The following APOL1 variants were observed in gnomAD, a reference collection of about 807,000 sequenced individuals.
The protein encoded by APOL1 is apolipoprotein L 1.
In APOL1, 17 loss-of-function variants were observed where a neutral mutation model predicts 14.9. The observed-to-expected ratio is 1.14, with a 90% CI of 0.78 to 1.71. APOL1 has a LOEUF of 1.71. Ranked by LOEUF, APOL1 falls within the 40% of genes most tolerant of loss-of-function variation. The probability of loss-of-function intolerance (pLI) is 0.00; values close to 1 mark genes in which losing one functional copy is unlikely to be tolerated. For synonymous variants in APOL1, 195 were observed against 184.8 expected (o/e 1.05, Z -0.45); for missense variants, 523 against 485.9 (o/e 1.08, Z -0.72).
intron 4 of APOL1, among the ~76,000 whole-genome samples, chr22:36,257,957 C>A (rs1210750505): frequency 6.6e-6 from 1 of 152,210 alleles, no homozygotes; most frequent in African/African-American, 2.4e-5. Context: ...CACATCCCCT[C>A]TGTGTGACCT....
Position 36,261,640 on chromosome 22 carries a change from A to C in APOL1, c.232A>C (p.Lys78Gln), listed in dbSNP as rs1603482148. The change falls in exon 5 of 6, where the codon AAA becomes CAA. Residue 78 changes from lysine (K) to glutamine (Q), a missense_variant. Transcript: ENST00000397278. ...IEDAIKYFKE[K>Q]VSTQNLLLLL... ...GGATGCCATTAAGTATTTCAAGGAA[A>C]AAGTGAGCACACAGAATCTGCTACT... 6.2e-7 allele frequency: 1 copy of C among 1,614,088 alleles called. No homozygotes were observed. The highest frequency in any genetic ancestry group is 2.2e-5 in the East Asian group (1 of 44,892).
At chr22:36,260,013 T>G (rs777296555) in intron 4 of APOL1, 3 of 1,070,266 alleles carry the variant, frequency 2.8e-6, no homozygotes, top group Non-Finnish European at 3.6e-6. Context: ...AAAGAAACAT[T>G]GGCCTTGGAG....
chr22:36,253,447 G>C (rs1311348977), intron 1 of APOL1, among the ~76,000 whole-genome samples: 1 of 152,178 alleles, frequency 6.6e-6, no homozygotes, highest in Non-Finnish European at 1.5e-5. Context: ...CTCAGCCCTG[G>C]TTTTGACTGC....
chr22:36,261,504 C>A (rs2016069808), intron 4 of APOL1, 92 bp from the exon 5 acceptor site: 1 of 1,379,556 alleles, frequency 7.2e-7, no homozygotes, highest in Non-Finnish European at 1.0e-6. Context: ...CACAGCTGTC[C>A]AGGAAAATTA....
Position 36,259,932 on chromosome 22 carries a change from G to T in APOL1, c.188-1664G>T, listed in dbSNP as rs1158945042. The T allele has an allele frequency of 4.7e-6, 6 of 1,269,594 alleles. No homozygotes were observed. The African/African-American group carries it at 9.3e-5, about 20-fold the overall frequency. The allele number at this position is 1,269,594 out of a possible 1,614,324, so 78.6% of individuals were successfully genotyped here. A position where few individuals can be genotyped will look rare whatever the true frequency, so the allele number is the denominator to read the frequency against. On this transcript the variant is annotated intron_variant, in intron 4 of 5. Transcript: ENST00000397278. ...ATAGCCCCACAGGTAAGCTATAAGG[G>T]AGAATGCAGAGACCACAGGCATTTT...
intron 5 of APOL1, among the ~76,000 whole-genome samples, chr22:36,264,816 T>C (rs1254386569): frequency 1.3e-5 from 2 of 148,300 alleles, no homozygotes; most frequent in Non-Finnish European, 3.0e-5. Flanking sequence ...ATTTCTTTTT[T>C]TTTTTTTTTT....
intron 5 of APOL1, among the ~76,000 whole-genome samples, chr22:36,262,273 G>C (rs150123472): frequency 2.0e-5 from 3 of 152,152 alleles, no homozygotes; most frequent in Admixed American, 1.3e-4. Flanking sequence ...CCATAAACAC[G>C]GCAGGACCCT....
intron 4 of APOL1, chr22:36,259,553 G>T (rs2016007796): frequency 5.0e-6 from 6 of 1,202,754 alleles, no homozygotes; most frequent in Non-Finnish European, 5.3e-6. Context: ...GGGAGGGCAG[G>T]GAAGATTAGA....
At chr22:36,258,976 C>A (rs149069591) in intron 4 of APOL1, among the ~76,000 whole-genome samples, 2 of 152,276 alleles carry the variant, frequency 1.3e-5, no homozygotes, top group East Asian at 3.9e-4. Context: ...ATCCCCTCCC[C>A]CTGTCCCTAC....
chr22:36,263,681 C>T (rs1007682547), intron 5 of APOL1, among the ~76,000 whole-genome samples: 1 of 152,170 alleles, frequency 6.6e-6, no homozygotes, highest in African/African-American at 2.4e-5. Context: ...GGGAAGCTCA[C>T]CCAGTTAAGG....
Position 36,265,751 on chromosome 22 carries a change from G to A in APOL1, c.915G>A (p.Arg305=), listed in dbSNP as rs2016230962. Residue 305 remains arginine, a synonymous_variant, in exon 6 of 6, where the codon CGG becomes CGA. Coordinates refer to ENST00000397278, the MANE Select transcript of APOL1 (RefSeq NM_003661.4). ...CGCATGCCTCAGCCTCACGCCCCCGGGTCACTGAGCCAATCTCAGCTGAAA... is the reference window on the plus strand; with the variant it reads ...CGCATGCCTCAGCCTCACGCCCCCGAGTCACTGAGCCAATCTCAGCTGAAA... ...SVPHASASRP[R]VTEPISAESG... The A allele has an allele frequency of 6.2e-7, 1 of 1,614,040 alleles. No homozygotes were observed. The highest frequency in any genetic ancestry group is 8.5e-7 in the Non-Finnish European group (1 of 1,179,954).
At chr22:36,262,279 A>T (rs2016100609) in intron 5 of APOL1, among the ~76,000 whole-genome samples, 1 of 152,074 alleles carries the variant, frequency 6.6e-6, no homozygotes, top group Non-Finnish European at 1.5e-5. Context: ...ACACGGCAGG[A>T]CCCTTCTGCT....
chr22:36,254,477 G>A (rs557029162), intron 1 of APOL1, among the ~76,000 whole-genome samples: 10 of 152,220 alleles, frequency 6.6e-5, no homozygotes, highest in African/African-American at 9.6e-5. Flanking sequence ...TGAAGGAGGC[G>A]GATCACTTGA....
intron 1 of APOL1, chr22:36,254,080 A>C: frequency 3.3e-6 from 5 of 1,510,364 alleles, no homozygotes; most frequent in Admixed American, 3.4e-5. Context: ...TTAAAATCAA[A>C]CATTTTTGCT....
Position 36,261,765 on chromosome 22 carries a change from C to T in APOL1, c.314+43C>T, listed in dbSNP as rs758230408. The T allele has an allele frequency of 3.8e-6, 6 of 1,587,770 alleles. No individual in the cohort carries two copies. In the Admixed American group the frequency reaches 5.1e-5, roughly 14 times the overall value. On this transcript the variant is annotated intron_variant, in intron 5 of 5. Transcript: ENST00000397278. ...ACCTCCATTGGGCACTCCGGCGATG[C>T]CACCCAGCTCTCCCCTGGGCTAGTT...
rs1164284516 is a variant in APOL1 at position 36,257,316 on chromosome 22, A to G, written c.99-3A>G. ...TCCCACAATTTGTTTTCTCCTCCTC[A>G]AGGGTGCAACAAAACGTTCCAAGTG... On this transcript the variant is annotated splice_polypyrimidine_tract_variant and splice_region_variant and intron_variant, in intron 3 of 5. Coordinates refer to ENST00000397278, the MANE Select transcript of APOL1 (RefSeq NM_003661.4). The G allele has an allele frequency of 6.2e-7, 1 of 1,613,970 alleles. No individual in the cohort carries two copies. Among genetic ancestry groups the G allele is most frequent in the Non-Finnish European group, 8.5e-7 (1 of 1,179,890 alleles).
At position 36,266,184 on chromosome 22, in the gene APOL1, G is replaced by T; in HGVS notation, c.*151G>T. 1 of 840,346 alleles carries T rather than the reference G, an allele frequency of 1.2e-6. No homozygotes were observed. The highest frequency in any genetic ancestry group is 1.8e-6 in the Non-Finnish European group (1 of 562,430). The allele number at this position is 840,346 out of a possible 1,614,324, so 52.1% of individuals were successfully genotyped here. A position where few individuals can be genotyped will look rare whatever the true frequency, so the allele number is the denominator to read the frequency against. ...CAGCTCACTGCAAGCTCTGCCTCCC[G>T]TGTTCAAGCGATTCTCCTGCCTTGG... is the stretch of plus-strand genomic sequence containing the variant. On this transcript the variant is annotated 3_prime_UTR_variant, in exon 6 of 6. Coordinates refer to ENST00000397278, the MANE Select transcript of APOL1 (RefSeq NM_003661.4).
At chr22:36,263,948 ATAATCAGATAGCAAAGCG>A (rs1474149568) in intron 5 of APOL1, among the ~76,000 whole-genome samples, 1 of 152,196 alleles carries the variant, frequency 6.6e-6, no homozygotes, top group African/African-American at 2.4e-5. Context: ...GGTGAAGAGC[ATAATCAGATAGCAAAGCG>A]TAATCAGACA....
rs954345683 is a variant in APOL1, at chr22:36,266,729, C to T, written c.*696C>T. 20 of 338,972 alleles carry T rather than the reference C, an allele frequency of 5.9e-5. No individual in the cohort carries two copies. Among genetic ancestry groups the T allele is most frequent in the Non-Finnish European group, 9.1e-5 (17 of 186,982 alleles). 21.0% of individuals were successfully genotyped at this position (338,972 alleles called of 1,614,324 possible). A position where few individuals can be genotyped will look rare whatever the true frequency, so the allele number is the denominator to read the frequency against. Reference sequence around the variant, plus strand: ...GACCATCCTGGCTAACACAGTGAAACCCCGTCTCTACTAAAAATACAAAAA... The same window carrying T: ...GACCATCCTGGCTAACACAGTGAAATCCCGTCTCTACTAAAAATACAAAAA... On this transcript the variant is annotated 3_prime_UTR_variant, in exon 6 of 6. Coordinates refer to ENST00000397278, the MANE Select transcript of APOL1 (RefSeq NM_003661.4).
Sources: allele counts gnomAD v4.1 joint callset (sites outside exome capture counted in the v4.1 genomes callset), GRCh38; gene constraint gnomAD v4.1.1; transcripts MANE v1.5; gene names NCBI Gene and HGNC (gene_info 2026-07-23, HGNC 2026-07-21).